Variants in UTP18 observed in about 807,000 individuals in gnomAD.
The protein encoded by UTP18 is UTP18 small subunit processome component.
Under a neutral mutation model 61.1 loss-of-function variants are expected in UTP18, and 36 were observed. The observed-to-expected ratio is 0.59, with a 90% confidence interval of 0.45 to 0.78. The LOEUF (loss-of-function observed/expected upper bound fraction) is 0.78. Among genes scored for constraint, UTP18 ranks in the 30% least tolerant of loss-of-function variants. The probability of loss-of-function intolerance (pLI) is 0.00; values close to 1 mark genes in which losing one functional copy is unlikely to be tolerated. For synonymous variants in UTP18, 282 were observed against 251.1 expected (o/e 1.12, Z -1.16); for missense variants, 753 against 693.9 (o/e 1.09, Z -0.96).
At chr17:51,283,477 A>G (rs991169290) in intron 9 of UTP18, among the ~76,000 whole-genome samples, 1 of 151,620 alleles carries the variant, frequency 6.6e-6, no homozygotes. Context: ...CCCTTTTCTT[A>G]TTCTGTATGG....
chr17:51,280,502 G>A, intron 9 of UTP18, 23 bp downstream of exon 9: 1 of 1,610,952 alleles, frequency 6.2e-7, no homozygotes, highest in Admixed American at 1.7e-5. Flanking sequence ...CATGAAAGAA[G>A]CTAAGGATAT....
At chr17:51,283,672 G>A (rs1905024287) in intron 9 of UTP18, among the ~76,000 whole-genome samples, 2 of 149,234 alleles carry the variant, frequency 1.3e-5, no homozygotes, top group African/African-American at 2.5e-5. Context: ...GGAGTGCAGT[G>A]GTGTGATCTT....
intron 12 of UTP18, among the ~76,000 whole-genome samples, chr17:51,295,587 G>GT (rs1216573112): frequency 6.6e-6 from 1 of 152,196 alleles, no homozygotes; most frequent in Non-Finnish European, 1.5e-5. Context: ...GTACCCTGCT[G>GT]TTTTGGTTAC....
chr17:51,284,271 G>T (rs1220374481), intron 9 of UTP18, among the ~76,000 whole-genome samples: 1 of 152,174 alleles, frequency 6.6e-6, no homozygotes, highest in Non-Finnish European at 1.5e-5. Flanking sequence ...TGCAAGGAAG[G>T]ATATTGAGGT....
At chr17:51,296,730 C>T (rs1597856593) in intron 12 of UTP18, 1 of 456,876 alleles carries the variant, frequency 2.2e-6, no homozygotes, top group South Asian at 3.5e-5. Context: ...TCAGGTATTT[C>T]ATAGACCCCC....
chr17:51,277,097 TAATC>T, intron 6 of UTP18, 29 bp from the exon 7 acceptor site: 2 of 1,601,268 alleles, frequency 1.2e-6, no homozygotes, highest in Non-Finnish European at 1.7e-6. Flanking sequence ...TCTGTGGAAA[TAATC>T]AAAAGAACCA....
chr17:51,280,059 T>C lies in UTP18; in HGVS notation c.1067T>C (p.Leu356Ser). 1 of 1,614,068 alleles carries C rather than the reference T, an allele frequency of 6.2e-7. No individual in the cohort carries two copies. Among genetic ancestry groups the C allele is most frequent in the South Asian group, 1.1e-5 (1 of 91,024 alleles). ...SFEVSPDGSF[L>S]LINGIAGYLH... Reference sequence around the variant, plus strand: ...GAAGTCTCCCCAGATGGGTCCTTCTTGCTCATAAATGGCATTGCTGGATAT... The same window carrying C: ...GAAGTCTCCCCAGATGGGTCCTTCTCGCTCATAAATGGCATTGCTGGATAT... The change falls in exon 8 of 14, where the codon TTG becomes TCG. Residue 356 changes from leucine (L) to serine (S), a missense_variant. By Grantham distance (145) the Leu-to-Ser change is moderately radical (BLOSUM62 -2). Transcript: ENST00000225298.
intron 5 of UTP18, 77 bp downstream of exon 5, chr17:51,273,527 T>A: frequency 1.0e-6 from 1 of 964,244 alleles, no homozygotes; most frequent in Non-Finnish European, 1.6e-6. Context: ...GTAGCAGATG[T>A]ATGGATTCCT....
chr17:51,271,135 C>A (rs1431014081), intron 4 of UTP18, among the ~76,000 whole-genome samples: 1 of 152,122 alleles, frequency 6.6e-6, no homozygotes, highest in Admixed American at 6.5e-5. Context: ...TCCCCTCTCC[C>A]TATCATTTTA....
intron 4 of UTP18, among the ~76,000 whole-genome samples, chr17:51,271,182 T>C (rs1246410390): frequency 6.6e-6 from 1 of 152,230 alleles, no homozygotes; most frequent in East Asian, 1.9e-4. Flanking sequence ...CATAGTACTT[T>C]TGAACTGGCT....
At chr17:51,296,798 C>T (rs1157407706) in intron 12 of UTP18, 167 bp from the exon 13 acceptor site, 1 of 587,564 alleles carries the variant, frequency 1.7e-6, no homozygotes, top group African/African-American at 1.9e-5. Flanking sequence ...GCGTTCAGAT[C>T]CTCCAGAATG....
intron 10 of UTP18, chr17:51,286,498 A>G (rs1173813793): frequency 2.2e-6 from 1 of 456,146 alleles, no homozygotes; most frequent in East Asian, 6.9e-5. Context: ...AACTGGGGAA[A>G]CTGCTTGTAT....
At chr17:51,266,617 T>C (rs1431347808) in intron 3 of UTP18, among the ~76,000 whole-genome samples, 1 of 152,258 alleles carries the variant, frequency 6.6e-6, no homozygotes, top group Non-Finnish European at 1.5e-5. Context: ...CATTTTGTCA[T>C]ATTTGCTTTG....
At chr17:51,287,268 A>G (rs1334227688) in intron 10 of UTP18, among the ~76,000 whole-genome samples, 1 of 152,212 alleles carries the variant, frequency 6.6e-6, no homozygotes, top group African/African-American at 2.4e-5. Flanking sequence ...GCCAACAACC[A>G]TTTAAGCTTT....
At chr17:51,290,849 T>TA (rs1271460248) in intron 11 of UTP18, among the ~76,000 whole-genome samples, 2 of 152,342 alleles carry the variant, frequency 1.3e-5, no homozygotes, top group East Asian at 3.9e-4. Context: ...TAATGCCTTG[T>TA]AAAAAACATT....
chr17:51,265,990 A>C (rs1353735641), intron 2 of UTP18, among the ~76,000 whole-genome samples, 192 bp from the exon 3 acceptor site: 1 of 152,266 alleles, frequency 6.6e-6, no homozygotes. Flanking sequence ...TGTAAACCAG[A>C]TGATCTGAAA....
In UTP18 at chr17:51,288,082, C is replaced by G; in HGVS notation, c.1382C>G (p.Thr461Arg). 1 of 1,607,632 alleles carries G rather than the reference C, an allele frequency of 6.2e-7. No individual in the cohort carries two copies. Among genetic ancestry groups the G allele is most frequent in the African/African-American group, 1.3e-5 (1 of 74,680 alleles). ...IYNQDSCLQE[T>R]NPKPIKAIMN... ...AATCAAGATTCTTGTCTCCAAGAAACAAACCCAAAGCCAATAAAAGCTATA... is the reference window on the plus strand; with the variant it reads ...AATCAAGATTCTTGTCTCCAAGAAAGAAACCCAAAGCCAATAAAAGCTATA... The change falls in exon 11 of 14, where the codon ACA (threonine) becomes AGA (arginine). Residue 461 changes from threonine (T) to arginine (R), a missense_variant. Transcript: ENST00000225298.
In UTP18 at chr17:51,263,380, A is replaced by G; in HGVS notation, c.449A>G (p.Glu150Gly). The change falls in exon 2 of 14, where the codon GAG becomes GGG. Residue 150 changes from glutamate (E) to glycine (G), a missense_variant. By Grantham distance (98) the Glu-to-Gly change is moderately conservative. Transcript: ENST00000225298. ...PVWVDEEDED[E>G]EMVDMMNNRF... ...TGGGTGGATGAAGAAGATGAAGATG[A>G]GGAAATGTAAGTTGCCTAACTTTTC... is the stretch of plus-strand genomic sequence containing the variant. The G allele has an allele frequency of 6.2e-7, 1 of 1,613,084 alleles. No homozygotes were observed. Among genetic ancestry groups the G allele is most frequent in the Non-Finnish European group, 8.5e-7 (1 of 1,179,162 alleles).
In UTP18 at chr17:51,280,046, G is replaced by A. The variant is rs1320231022; in HGVS notation, c.1054G>A (p.Asp352Asn). ...AGTGAGGAGCTTTGAAGTCTCCCCAGATGGGTCCTTCTTGCTCATAAATGG... is the reference window on the plus strand; with the variant it reads ...AGTGAGGAGCTTTGAAGTCTCCCCAAATGGGTCCTTCTTGCTCATAAATGG... Reference protein sequence around the residue: ...KIVRSFEVSPDGSFLLINGIA... With the variant: ...KIVRSFEVSPNGSFLLINGIA... Residue 352 changes from aspartate to asparagine, a missense_variant, in exon 8 of 14, where the codon GAT becomes AAT. By Grantham distance (23) the Asp-to-Asn change is conservative. Transcript: ENST00000225298. The A allele has an allele frequency of 6.2e-7, 1 of 1,613,928 alleles. No homozygotes were observed. The highest frequency in any genetic ancestry group is 1.3e-5 in the African/African-American group (1 of 74,932).
Sources: gnomAD v4.1 joint callset for allele counts (sites outside exome capture counted in the v4.1 genomes callset) on GRCh38, gnomAD v4.1.1 for gene constraint, MANE v1.5 for transcripts, NCBI Gene and HGNC (gene_info 2026-07-23, HGNC 2026-07-21) for gene names.